Variants in PTPRD observed in about 807,000 individuals in gnomAD.
PTPRD encodes protein tyrosine phosphatase receptor type D.
A neutral mutation model predicts 214.5 loss-of-function variants in PTPRD; 34 were observed. The observed-to-expected ratio is 0.16, with a 90% CI of 0.12 to 0.21. The LOEUF (loss-of-function observed/expected upper bound fraction) is 0.21. Among genes scored for constraint, PTPRD ranks in the 10% least tolerant of loss-of-function variants. PTPRD has a pLI of 1.00. For missense variants in PTPRD, 2,545 were observed against 2,398.7 expected, an observed-to-expected ratio of 1.06 and a Z score of -1.27; for synonymous variants, 1,128 against 845.7, an observed-to-expected ratio of 1.33 and a Z score of -5.79.
At chr9:10,358,852 T>C (rs1220668028) in intron 2 of PTPRD, among the ~76,000 whole-genome samples, 2 of 152,006 alleles carry the variant, frequency 1.3e-5, no homozygotes, top group African/African-American at 4.8e-5. Context: ...TATTGTATTA[T>C]GTTGTATATT....
intron 9 of PTPRD, among the ~76,000 whole-genome samples, chr9:9,193,400 A>G (rs1593276172): frequency 6.6e-6 from 1 of 152,178 alleles, no homozygotes; most frequent in Non-Finnish European, 1.5e-5. Context: ...AACTTGGATA[A>G]ATGTGTAAGT....
intron 8 of PTPRD, among the ~76,000 whole-genome samples, chr9:9,500,470 G>C (rs1025172515): frequency 4.6e-5 from 7 of 152,030 alleles, no homozygotes; most frequent in Non-Finnish European, 8.8e-5. Flanking sequence ...ACTGAGTTGA[G>C]ACTATAGATA....
At chr9:10,007,656 G>A (rs1338729724) in intron 4 of PTPRD, among the ~76,000 whole-genome samples, 2 of 151,820 alleles carry the variant, frequency 1.3e-5, no homozygotes, top group South Asian at 2.1e-4. Flanking sequence ...TATGAGAGAG[G>A]CAAAATTTTG....
chr9:8,688,367 C>T (rs1228780774), intron 12 of PTPRD, among the ~76,000 whole-genome samples: 1 of 151,998 alleles, frequency 6.6e-6, no homozygotes, highest in Non-Finnish European at 1.5e-5. Context: ...GAGATCGAGA[C>T]TATCCTAGCT....
At chr9:9,980,463 C>G (rs2095500513) in intron 4 of PTPRD, among the ~76,000 whole-genome samples, 1 of 151,428 alleles carries the variant, frequency 6.6e-6, no homozygotes, top group Admixed American at 6.6e-5. Context: ...CAAAAATTAG[C>G]CGGGCATAGT....
intron 10 of PTPRD, among the ~76,000 whole-genome samples, chr9:9,041,693 A>T (rs1275478187): frequency 6.6e-6 from 1 of 152,158 alleles, no homozygotes; most frequent in South Asian, 2.1e-4. Flanking sequence ...GGAAAATTCT[A>T]CTCACAGAAA....
At chr9:8,769,836 C>G (rs1340612732) in intron 11 of PTPRD, among the ~76,000 whole-genome samples, 1 of 151,168 alleles carries the variant, frequency 6.6e-6, no homozygotes, top group Non-Finnish European at 1.5e-5. Flanking sequence ...GAAATCTGAC[C>G]GCACTCCCCT....
intron 12 of PTPRD, among the ~76,000 whole-genome samples, chr9:8,680,995 TC>T (rs2097539296): frequency 6.6e-6 from 1 of 152,188 alleles, no homozygotes; most frequent in East Asian, 1.9e-4. Flanking sequence ...TTCCTATATT[TC>T]CTAGGTTCAA....
chr9:10,001,676 A>T (rs1202903988), intron 4 of PTPRD, among the ~76,000 whole-genome samples: 1 of 152,148 alleles, frequency 6.6e-6, no homozygotes, highest in African/African-American at 2.4e-5. Context: ...AACATAGGAG[A>T]AATAATAAAA....
chr9:9,368,070 G>C (rs1217423043), intron 9 of PTPRD, among the ~76,000 whole-genome samples: 1 of 151,628 alleles, frequency 6.6e-6, no homozygotes, highest in Admixed American at 6.6e-5. Flanking sequence ...ACTCAATATG[G>C]ATCCCATTTC....
chr9:9,098,711 C>T (rs1478890751), intron 10 of PTPRD, among the ~76,000 whole-genome samples: 2 of 152,090 alleles, frequency 1.3e-5, no homozygotes, highest in African/African-American at 4.8e-5. Flanking sequence ...GTGGATCTTA[C>T]ACGCTATTGG....
chr9:9,373,077 C>G (rs2059949172), intron 9 of PTPRD, among the ~76,000 whole-genome samples: 1 of 152,038 alleles, frequency 6.6e-6, no homozygotes, highest in African/African-American at 2.4e-5. Context: ...ATGCCATGCT[C>G]AATCTGACAG....
chr9:9,256,475 A>G (rs2099977755), intron 9 of PTPRD, among the ~76,000 whole-genome samples: 1 of 151,658 alleles, frequency 6.6e-6, no homozygotes, highest in Admixed American at 6.6e-5. Context: ...CTTGCCTAAA[A>G]GATTTAAACT....
At chr9:9,967,768 C>T (rs185152682) in intron 4 of PTPRD, among the ~76,000 whole-genome samples, 16 of 152,226 alleles carry the variant, frequency 1.1e-4, no homozygotes, top group Non-Finnish European at 2.2e-4. Context: ...TTGATATAGA[C>T]ATTGAACATG....
At chr9:8,673,802 T>A (rs1179957506) in intron 12 of PTPRD, among the ~76,000 whole-genome samples, 2 of 152,164 alleles carry the variant, frequency 1.3e-5, no homozygotes, top group Non-Finnish European at 2.9e-5. Flanking sequence ...TTTCTCAACT[T>A]TGGTGCTATT....
At chr9:10,127,556 T>A (rs2154254256) in intron 3 of PTPRD, among the ~76,000 whole-genome samples, 1 of 152,270 alleles carries the variant, frequency 6.6e-6, no homozygotes, top group South Asian at 2.1e-4. Flanking sequence ...CTTGGACAAG[T>A]AGGACACAAC....
At chr9:8,355,466 G>A (rs1006081047) in intron 39 of PTPRD, among the ~76,000 whole-genome samples, 5 of 152,096 alleles carry the variant, frequency 3.3e-5, no homozygotes, top group African/African-American at 9.7e-5. Flanking sequence ...ACATACTGAC[G>A]AATAAATAAG....
At chr9:8,451,233 C>T (rs2095934829) in intron 33 of PTPRD, among the ~76,000 whole-genome samples, 2 of 152,302 alleles carry the variant, frequency 1.3e-5, no homozygotes, top group South Asian at 4.1e-4. Context: ...ATTTTCATGG[C>T]TAAGTCCTAT....
intron 9 of PTPRD, among the ~76,000 whole-genome samples, chr9:9,280,754 C>A (rs960237490): frequency 6.6e-6 from 1 of 151,210 alleles, no homozygotes; most frequent in African/African-American, 2.4e-5. Flanking sequence ...CTCAATAACT[C>A]ATTTTGTGAA....
Sources: gnomAD v4.1 joint callset for allele counts (sites outside exome capture counted in the v4.1 genomes callset) on GRCh38, gnomAD v4.1.1 for gene constraint, MANE v1.5 for transcripts, NCBI Gene and HGNC (gene_info 2026-07-23, HGNC 2026-07-21) for gene names.